The following LHX8 variants were observed in gnomAD, a reference collection of about 807,000 sequenced individuals.
The protein encoded by LHX8 is LIM/homeobox protein Lhx8.
A neutral mutation model predicts 40.3 loss-of-function variants in LHX8; 12 were observed. That is an observed-to-expected ratio of 0.30 (90% CI 0.19 to 0.48). The LOEUF (loss-of-function observed/expected upper bound fraction) is 0.48, where lower values mean the gene tolerates loss of function less well. LHX8 is among the 20% of genes least tolerant of loss of function. The pLI is 0.99. For missense variants in LHX8, 344 were observed against 433.7 expected (o/e 0.79, Z 1.84); for synonymous variants, 179 against 162.0 (o/e 1.10, Z -0.80).
At chr1:75,192,398 C>A in the LHX8 span, among the ~76,000 whole-genome samples, 3 of 152,118 alleles carry the variant, frequency 2.0e-5, no homozygotes, top group Non-Finnish European at 4.4e-5. Context: ...TCTCCTTGAA[C>A]CCAATTCCAG....
chr1:75,162,164 A>G (rs960085806), downstream of LHX8, among the ~76,000 whole-genome samples: 1 of 152,190 alleles, frequency 6.6e-6, no homozygotes, highest in South Asian at 2.1e-4. Flanking sequence ...CATAAATACA[A>G]CCAGAAAGTA....
chr1:75,140,963 A>G (rs374997692), intron 3 of LHX8, 22 bp from the exon 4 acceptor site: 52 of 1,612,950 alleles, frequency 3.2e-5, no homozygotes, highest in Admixed American at 2.5e-4. Context: ...TGATATTACA[A>G]TGGCTTCTCT....
In LHX8 at chr1:75,137,132, G is replaced by A. The variant is rs1372444126; in HGVS notation, c.108G>A (p.Ser36=). ...VSPEGAGDED[S]CSSSAPLSPS... ...CCGAGGGAGCGGGGGACGAGGACTC[G>A]TGCTCCTCCTCGGCCCCGCTGTCCC... is the stretch of plus-strand genomic sequence containing the variant. Residue 36 remains serine (S), a synonymous_variant, in exon 3 of 9, where the codon TCG becomes TCA. Transcript: ENST00000356261. 4 of 1,610,974 alleles carry A rather than the reference G, an allele frequency of 2.5e-6. No homozygotes were observed. The African/African-American group carries it at 5.3e-5, about 22-fold the overall frequency.
chr1:75,134,848 T>G lies in LHX8; in HGVS notation c.-119T>G. ...TTTTTTTTTTTATTACGTAGTAGCG[T>G]TAGTCAGTAATCATTGCACTCCCTC... On this transcript the variant is annotated 5_prime_UTR_variant, in exon 1 of 9. Coordinates refer to ENST00000356261, the MANE Select transcript of LHX8 (RefSeq NM_001256114.2). 1.1e-6 allele frequency: 1 copy of G among 893,538 alleles called. No individual in the cohort carries two copies. The highest frequency in any genetic ancestry group is 1.3e-6 in the Non-Finnish European group (1 of 746,000). The allele number at this position is 893,538 out of a possible 1,614,324, so 55.4% of individuals were successfully genotyped here. A position where few individuals can be genotyped will look rare whatever the true frequency, so the allele number is the denominator to read the frequency against.
the LHX8 span, among the ~76,000 whole-genome samples, chr1:75,174,636 A>G: frequency 6.6e-6 from 1 of 152,146 alleles, no homozygotes; most frequent in Non-Finnish European, 1.5e-5. Context: ...TTCAGCCTCA[A>G]AAGCCATCCT....
chr1:75,167,375 A>T, the LHX8 span, among the ~76,000 whole-genome samples: 1 of 152,236 alleles, frequency 6.6e-6, no homozygotes, highest in Non-Finnish European at 1.5e-5. Flanking sequence ...GGTGCACAAT[A>T]AACCCTGAAA....
At chr1:75,132,798 A>G (rs1557483603), upstream of LHX8, 1 of 143,454 alleles carries the variant, frequency 7.0e-6, no homozygotes, top group Non-Finnish European at 1.5e-5. Context: ...CTGTAATTAA[A>G]TATCCAAACC....
At chr1:75,194,584 G>A in the LHX8 span, among the ~76,000 whole-genome samples, 17,770 of 152,084 alleles carry the variant, frequency 0.12, 1,723 homozygotes, top group African/African-American at 0.26. Flanking sequence ...TCACTCTAAT[G>A]TCTCTGTTTG....
intron 1 of LHX8, among the ~76,000 whole-genome samples, chr1:75,129,271 C>T (rs1266400834): frequency 2.0e-5 from 3 of 152,014 alleles, no homozygotes; most frequent in African/African-American, 7.2e-5. Flanking sequence ...ACCCTGAACT[C>T]CCATGAAGGA....
chr1:75,157,817 A>G (rs1570306562), intron 8 of LHX8, among the ~76,000 whole-genome samples: 1 of 152,320 alleles, frequency 6.6e-6, no homozygotes, highest in Admixed American at 6.5e-5. Context: ...TTCCTGGTTA[A>G]TAGATATTTG....
upstream of LHX8, among the ~76,000 whole-genome samples, chr1:75,129,810 T>G (rs1055993107): frequency 1.3e-5 from 2 of 152,202 alleles, no homozygotes; most frequent in African/African-American, 4.8e-5. Context: ...GGTTCCATCC[T>G]CTTTCTTGAT....
intron 3 of LHX8, among the ~76,000 whole-genome samples, 160 bp from the exon 4 acceptor site, chr1:75,140,825 C>CAAAAATGACATCTTAAAA (rs1553132845): frequency 5.3e-5 from 8 of 151,844 alleles, no homozygotes; most frequent in African/African-American, 1.9e-4. Flanking sequence ...TACATGTTTA[C>CAAAAATGACATCTTAAAA]AAAAATGACA....
intron 4 of LHX8, among the ~76,000 whole-genome samples, chr1:75,142,425 A>G (rs922841130): frequency 7.9e-5 from 12 of 152,150 alleles, no homozygotes; most frequent in Non-Finnish European, 1.6e-4. Context: ...CTATTTACAT[A>G]TAGCTTTGGT....
Position 75,156,741 on chromosome 1 carries a change from G to C in LHX8, c.781-152G>C, listed in dbSNP as rs969017400. On this transcript the variant is annotated intron_variant, in intron 7 of 8. Transcript: ENST00000356261. The stretch of plus-strand genomic sequence containing the variant: ...ATTTGGACTAAAATGTTTCTTTTCT[G>C]TCTATAGAACTTTTATAAAAGCTGA... The C allele has an allele frequency of 3.4e-5, 26 of 760,980 alleles. No homozygotes were observed. In the African/African-American group the frequency reaches 3.7e-4, roughly 11 times the overall value. The allele number at this position is 760,980 out of a possible 1,614,324, so 47.1% of individuals were successfully genotyped here. A position where few individuals can be genotyped will look rare whatever the true frequency, so the allele number is the denominator to read the frequency against.
intron 5 of LHX8, among the ~76,000 whole-genome samples, 181 bp downstream of exon 5, chr1:75,143,519 G>A (rs1412154853): frequency 6.6e-6 from 1 of 152,126 alleles, no homozygotes; most frequent in African/African-American, 2.4e-5. Context: ...AAGCCATGGT[G>A]TATGTATTAG....
At chr1:75,187,387 A>G in the LHX8 span, among the ~76,000 whole-genome samples, 1 of 152,232 alleles carries the variant, frequency 6.6e-6, no homozygotes, top group African/African-American at 2.4e-5. Context: ...TCTGTTGACA[A>G]CAGATGCCAC....
intron 7 of LHX8, among the ~76,000 whole-genome samples, chr1:75,149,947 G>A (rs1318063173): frequency 6.6e-6 from 1 of 152,174 alleles, no homozygotes; most frequent in Non-Finnish European, 1.5e-5. Context: ...AGGAGTCAAA[G>A]AGTAAATGAC....
chr1:75,174,143 G>A, the LHX8 span, among the ~76,000 whole-genome samples: 1 of 152,162 alleles, frequency 6.6e-6, no homozygotes, highest in South Asian at 2.1e-4. Context: ...GTGCTAAAGA[G>A]AAATTACTTT....
At chr1:75,130,760 G>T (rs367721182), upstream of LHX8, 6 of 1,611,054 alleles carry the variant, frequency 3.7e-6, no homozygotes, top group Admixed American at 1.0e-4. Flanking sequence ...ACCTCTAGAA[G>T]CAATCTCCTA....
Sources: allele counts gnomAD v4.1 joint callset (sites outside exome capture counted in the v4.1 genomes callset), GRCh38; gene constraint gnomAD v4.1.1; transcripts MANE v1.5; gene names NCBI Gene and HGNC (gene_info 2026-07-23, HGNC 2026-07-21).